PRP4K: variants seen among roughly 807,000 people sequenced by gnomAD.
PRP4K encodes the protein pre-mRNA processing factor kinase PRP4K.
At chr6:4,043,052 T>C in the PRP4K span, among the ~76,000 whole-genome samples, 2 of 152,170 alleles carry the variant, frequency 1.3e-5, no homozygotes, top group African/African-American at 2.4e-5. Context: ...GGGGAAAGAA[T>C]GTTATACAAA....
chr6:4,032,082 A>T, the PRP4K span: 1 of 1,613,956 alleles, frequency 6.2e-7, no homozygotes, highest in Non-Finnish European at 8.5e-7. Flanking sequence ...AAGCAGATCC[A>T]AAGAACGGAC....
At chr6:4,043,788 A>C in the PRP4K span, 1 of 1,602,218 alleles carries the variant, frequency 6.2e-7, no homozygotes, top group Non-Finnish European at 8.5e-7. Context: ...TTATGAAAGT[A>C]TTATCTTCTG....
the PRP4K span, among the ~76,000 whole-genome samples, chr6:4,039,208 G>A: frequency 1.3e-5 from 2 of 152,166 alleles, no homozygotes; most frequent in African/African-American, 4.8e-5. Context: ...TGAGAAAGCT[G>A]AATGGGATTT....
the PRP4K span, among the ~76,000 whole-genome samples, chr6:4,039,670 T>G: frequency 6.6e-5 from 10 of 152,184 alleles, no homozygotes; most frequent in Admixed American, 2.0e-4. Context: ...TGACATGTTC[T>G]GACTGTTTCT....
chr6:4,033,924 T>G, the PRP4K span, among the ~76,000 whole-genome samples: 1 of 152,298 alleles, frequency 6.6e-6, no homozygotes. Context: ...TGGTGGTCTT[T>G]CAGTTTGCTT....
chr6:4,040,968 A>G, the PRP4K span: 1 of 1,549,492 alleles, frequency 6.5e-7, no homozygotes, highest in Non-Finnish European at 8.8e-7. Context: ...TTTCCAGTTT[A>G]GAGAAGTCTT....
At chr6:4,047,619 T>C in the PRP4K span, among the ~76,000 whole-genome samples, 7 of 152,166 alleles carry the variant, frequency 4.6e-5, no homozygotes, top group Non-Finnish European at 1.0e-4. Flanking sequence ...CTCTATATTA[T>C]ATTAGTAGGT....
chr6:4,052,635 G>C, the PRP4K span: 1 of 1,108,934 alleles, frequency 9.0e-7, no homozygotes, highest in South Asian at 1.8e-5. Context: ...TTTACTTTAT[G>C]CTTGCAAATG....
chr6:4,034,666 C>G, the PRP4K span, among the ~76,000 whole-genome samples: 1 of 151,944 alleles, frequency 6.6e-6, no homozygotes, highest in Admixed American at 6.6e-5. Flanking sequence ...TCTTAGGTGA[C>G]TAGTGAGGGT....
chr6:4,035,284 A>ATTTTTTTTTTTTTTTTTTT, the PRP4K span, among the ~76,000 whole-genome samples: 7 of 58,800 alleles, frequency 1.2e-4, no homozygotes, highest in Admixed American at 2.9e-4. Flanking sequence ...CGCCCGGCTA[A>ATTTTTTTTTTTTTTTTTTT]TTTTTTTTTT....
the PRP4K span, among the ~76,000 whole-genome samples, chr6:4,045,791 CTG>C: frequency 3.3e-5 from 5 of 152,288 alleles, no homozygotes; most frequent in South Asian, 2.1e-4. Context: ...GCACAATTCT[CTG>C]TCTTTTAAAA....
chr6:4,028,563 T>A, the PRP4K span, among the ~76,000 whole-genome samples: 1 of 152,154 alleles, frequency 6.6e-6, no homozygotes, highest in Non-Finnish European at 1.5e-5. Context: ...TGAGAAAAAT[T>A]AATGATCCAG....
the PRP4K span, chr6:4,056,658 G>T: frequency 6.4e-7 from 1 of 1,564,040 alleles, no homozygotes; most frequent in South Asian, 1.1e-5. Flanking sequence ...GAAAATCCTC[G>T]ACTTTAGAAG....
the PRP4K span, chr6:4,021,356 C>A: frequency 6.5e-6 from 10 of 1,547,944 alleles, no homozygotes; most frequent in Non-Finnish European, 7.0e-6. Context: ...TTTCCTTCTT[C>A]CTCCACTTCC....
chr6:4,038,401 A>C, the PRP4K span, among the ~76,000 whole-genome samples: 1 of 151,288 alleles, frequency 6.6e-6, no homozygotes, highest in African/African-American at 2.4e-5. Context: ...ATTCTGCCTC[A>C]GCCTCTCAAG....
At chr6:4,032,938 G>A in the PRP4K span, among the ~76,000 whole-genome samples, 2 of 152,212 alleles carry the variant, frequency 1.3e-5, no homozygotes, top group Admixed American at 6.5e-5. Context: ...CACTTTTTTC[G>A]ATGAGTATTT....
the PRP4K span, chr6:4,062,015 G>C: frequency 4.6e-5 from 7 of 152,676 alleles, no homozygotes; most frequent in African/African-American, 1.7e-4. This position sits in a 1 kb window ranked among gnomAD's most constrained non-coding sequence, Gnocchi z 4.2. Context: ...TTAATTGAAA[G>C]TATTATTAGT....
chr6:4,042,015 G>A, the PRP4K span, among the ~76,000 whole-genome samples: 5 of 152,154 alleles, frequency 3.3e-5, no homozygotes, highest in Non-Finnish European at 5.9e-5. Context: ...GCGGAGTAGA[G>A]CCACATTCCC....
the PRP4K span, among the ~76,000 whole-genome samples, chr6:4,031,224 G>C: frequency 1.3e-5 from 2 of 152,156 alleles, no homozygotes; most frequent in Non-Finnish European, 2.9e-5. Flanking sequence ...GTGGCTTCTT[G>C]TACTAAATCA....
Sources: gnomAD v4.1 joint callset for allele counts (sites outside exome capture counted in the v4.1 genomes callset) on GRCh38, gnomAD v4.1.1 for gene constraint, Gnocchi (gnomAD v3.1) non-coding constraint, MANE v1.5 for transcripts, NCBI Gene and HGNC (gene_info 2026-07-23, HGNC 2026-07-21) for gene names.